Variants in CERS6 observed in about 807,000 individuals in gnomAD.
CERS6 encodes the protein LAG1 homolog, ceramide synthase 6.
Under a neutral mutation model 56.8 loss-of-function variants are expected in CERS6, and 26 were observed. The ratio of observed to expected loss-of-function variants is 0.46; its 90% CI spans 0.34 to 0.63. The LOEUF (loss-of-function observed/expected upper bound fraction) is 0.63, where lower values mean the gene tolerates loss of function less well. Among genes scored for constraint, CERS6 ranks in the 30% least tolerant of loss-of-function variants. The pLI is 0.01. For missense variants in CERS6, 415 were observed against 467.5 expected, an observed-to-expected ratio of 0.89 and a Z score of 1.04; for synonymous variants, 164 against 173.3, an observed-to-expected ratio of 0.95 and a Z score of 0.42.
At chr2:168,550,973 C>T (rs1017564311) in intron 2 of CERS6, among the ~76,000 whole-genome samples, 22 of 152,328 alleles carry the variant, frequency 1.4e-4, no homozygotes, top group Middle Eastern at 3.4e-3. Context: ...GGCAACCACA[C>T]ACACATTTGG....
intron 8 of CERS6, among the ~76,000 whole-genome samples, chr2:168,765,113 A>C (rs1684692633): frequency 6.6e-6 from 1 of 152,248 alleles, no homozygotes; most frequent in South Asian, 2.1e-4. Context: ...GACAAATACT[A>C]TATGAATCTA....
intron 8 of CERS6, among the ~76,000 whole-genome samples, chr2:168,739,770 G>C (rs1184246561): frequency 6.6e-6 from 1 of 150,640 alleles, no homozygotes; most frequent in East Asian, 1.9e-4. Flanking sequence ...TTTTGAGACA[G>C]AGTCTCGCTC....
chr2:168,627,896 G>A (rs2105292120), intron 3 of CERS6, among the ~76,000 whole-genome samples: 1 of 152,014 alleles, frequency 6.6e-6, no homozygotes, highest in East Asian at 1.9e-4. Flanking sequence ...TACCCTCTAT[G>A]TAAATGACTT....
intron 3 of CERS6, among the ~76,000 whole-genome samples, chr2:168,590,185 C>T (rs1349091006): frequency 2.0e-5 from 3 of 152,198 alleles, no homozygotes; most frequent in Non-Finnish European, 2.9e-5. Flanking sequence ...TGTGAAATTC[C>T]TTTCACCTGG....
chr2:168,750,871 T>C (rs1180598106), intron 8 of CERS6, among the ~76,000 whole-genome samples: 1 of 152,158 alleles, frequency 6.6e-6, no homozygotes, highest in Non-Finnish European at 1.5e-5. Context: ...GTTCCTCAAA[T>C]AGATAGTAAG....
At chr2:168,504,854 A>G (rs1442623185) in intron 1 of CERS6, among the ~76,000 whole-genome samples, 1 of 152,108 alleles carries the variant, frequency 6.6e-6, no homozygotes, top group Non-Finnish European at 1.5e-5. Flanking sequence ...CCTGCCTTAC[A>G]TTAGGTAGAG....
At chr2:168,567,682 A>G (rs558042132) in intron 3 of CERS6, among the ~76,000 whole-genome samples, 11 of 152,264 alleles carry the variant, frequency 7.2e-5, no homozygotes, top group Non-Finnish European at 1.5e-4. Flanking sequence ...TGGTTCTTTC[A>G]GAGTTTCAAG....
At position 168,659,771 on chromosome 2, in the gene CERS6, C is replaced by G. The variant is rs145864153; in HGVS notation, c.465+28729C>G. 1.3e-4 allele frequency among the ~76,000 whole-genome samples: 20 copies of G among 152,036 alleles called. No individual in the cohort carries two copies. The East Asian group carries it at 3.7e-3, about 28-fold the overall frequency. ...TGGCTTGGCTTGGTCATTACAATGT[C>G]CCTGGTACCTGACACACTGACTGGC... On this transcript the variant is annotated intron_variant, in intron 4 of 9. Coordinates refer to ENST00000305747, the MANE Select transcript of CERS6 (RefSeq NM_203463.3).
chr2:168,681,343 C>T (rs908615153), intron 4 of CERS6, among the ~76,000 whole-genome samples: 1 of 152,156 alleles, frequency 6.6e-6, no homozygotes, highest in African/African-American at 2.4e-5. Flanking sequence ...TCACTGTCAA[C>T]ATATAAATAC....
rs1179149150 is a variant in CERS6 at position 168,456,367 on chromosome 2, C to A, written c.-82C>A. On this transcript the variant is annotated 5_prime_UTR_variant, in exon 1 of 10. Coordinates refer to ENST00000305747, the MANE Select transcript of CERS6 (RefSeq NM_203463.3). This position sits in a 1 kb window ranked among gnomAD's most constrained non-coding sequence, Gnocchi z 4.1. ...GCGGCGGCACAGGCTCGGGGCCAGC[C>A]GGGCGCGCATCCCCGGGCGCCCTGC... 2.6e-6 allele frequency: 3 copies of A among 1,156,352 alleles called. No individual in the cohort carries two copies. The highest frequency in any genetic ancestry group is 2.1e-5 in the South Asian group (1 of 46,688). The allele number at this position is 1,156,352 out of a possible 1,614,324, so 71.6% of individuals were successfully genotyped here.
chr2:168,485,234 G>A (rs1408451498), intron 1 of CERS6, among the ~76,000 whole-genome samples: 1 of 151,444 alleles, frequency 6.6e-6, no homozygotes, highest in East Asian at 1.9e-4. Context: ...ACAGGAACAT[G>A]AATGGCAAGT....
At chr2:168,690,924 G>A (rs1686483131) in intron 4 of CERS6, 110 bp from the exon 5 acceptor site, 1 of 913,590 alleles carries the variant, frequency 1.1e-6, no homozygotes, top group Non-Finnish European at 1.8e-6. Flanking sequence ...TTCTCACACA[G>A]GTAAATTATT....
At chr2:168,667,124 C>A (rs1206419151) in intron 4 of CERS6, among the ~76,000 whole-genome samples, 1 of 152,062 alleles carries the variant, frequency 6.6e-6, no homozygotes, top group Non-Finnish European at 1.5e-5. Context: ...TTTTTCTTTT[C>A]ATTATAAATT....
At chr2:168,508,717 G>T (rs997722483) in intron 1 of CERS6, among the ~76,000 whole-genome samples, 12 of 152,002 alleles carry the variant, frequency 7.9e-5, no homozygotes, top group African/African-American at 2.7e-4. Context: ...GTCGGGGGGT[G>T]GGGGGTAGGG....
At chr2:168,738,158 G>A (rs1683772111) in intron 8 of CERS6, among the ~76,000 whole-genome samples, 1 of 152,194 alleles carries the variant, frequency 6.6e-6, no homozygotes, top group African/African-American at 2.4e-5. Flanking sequence ...TACAGGGTGA[G>A]AGACTCAAAT....
chr2:168,474,657 A>G (rs1339794562), intron 1 of CERS6, among the ~76,000 whole-genome samples: 1 of 152,238 alleles, frequency 6.6e-6, no homozygotes, highest in Non-Finnish European at 1.5e-5. Context: ...CTCTTTCTTT[A>G]AAGAAATGGG....
At position 168,717,993 on chromosome 2, in the gene CERS6, C is replaced by A; in HGVS notation, c.845+15C>A. The A allele has an allele frequency of 6.4e-7, 1 of 1,558,872 alleles. No individual in the cohort carries two copies. The highest frequency in any genetic ancestry group is 1.1e-5 in the South Asian group (1 of 87,714). ...TTTCCTCTCTGGTGAGTATGCCAGT[C>A]TCCTTCCTGATAGAGCCACCCTTTC... On this transcript the variant is annotated intron_variant, in intron 8 of 9. Coordinates refer to ENST00000305747, the MANE Select transcript of CERS6 (RefSeq NM_203463.3).
intron 3 of CERS6, among the ~76,000 whole-genome samples, chr2:168,585,091 A>C (rs1209277751): frequency 1.3e-5 from 2 of 152,248 alleles, no homozygotes; most frequent in African/African-American, 4.8e-5. Flanking sequence ...TTGAAGTGGT[A>C]CTGAGCATGC....
At chr2:168,669,356 C>T (rs560464529) in intron 4 of CERS6, among the ~76,000 whole-genome samples, 3 of 152,338 alleles carry the variant, frequency 2.0e-5, no homozygotes, top group African/African-American at 7.2e-5. Context: ...GGACATTCCA[C>T]ACACCATTTT....
Sources: gnomAD v4.1 joint callset for allele counts (sites outside exome capture counted in the v4.1 genomes callset) on GRCh38, gnomAD v4.1.1 for gene constraint, Gnocchi (gnomAD v3.1) non-coding constraint, MANE v1.5 for transcripts, NCBI Gene and HGNC (gene_info 2026-07-23, HGNC 2026-07-21) for gene names.